PHEX: variants seen among roughly 807,000 people sequenced by gnomAD.
The protein encoded by PHEX is phosphate-regulating neutral endopeptidase PHEX.
Under a neutral mutation model 68.0 loss-of-function variants are expected in PHEX, and 16 were observed. The ratio of observed to expected loss-of-function variants is 0.24; its 90% CI spans 0.16 to 0.36. The LOEUF (loss-of-function observed/expected upper bound fraction) is 0.36, where lower values mean the gene tolerates loss of function less well. Among genes scored for constraint, PHEX ranks in the 10% least tolerant of loss-of-function variants. PHEX has a pLI of 1.00. For synonymous variants in PHEX, 208 were observed against 205.1 expected (o/e 1.01, Z -0.12); for missense variants, 480 against 575.5 (o/e 0.83, Z 1.70).
chrX:22,192,419 A>G (rs1477736870), intron 15 of PHEX, among the ~76,000 whole-genome samples: 4 of 111,564 alleles, frequency 3.6e-5, no homozygotes, highest in Non-Finnish European at 7.5e-5. Flanking sequence ...ACGTTTTACA[A>G]TCACATCGTG....
chrX:22,185,756 G>GTTTT (rs3085228), intron 14 of PHEX, among the ~76,000 whole-genome samples: 3 of 87,796 alleles, frequency 3.4e-5, no homozygotes, highest in African/African-American at 1.0e-4. Flanking sequence ...CTCGTTTGTG[G>GTTTT]TTTTTTTTTT....
At chrX:22,084,195 A>T (rs966213869) in intron 5 of PHEX, among the ~76,000 whole-genome samples, 21 of 111,627 alleles carry the variant, frequency 1.9e-4, no homozygotes, top group Non-Finnish European at 3.8e-4. Flanking sequence ...GGATCTCACT[A>T]TGCTGCCCAG....
At chrX:22,241,555 A>G (rs1345665831) in intron 20 of PHEX, among the ~76,000 whole-genome samples, 1 of 111,930 alleles carries the variant, frequency 8.9e-6, no homozygotes. Context: ...AAGAGGGAAG[A>G]ATGAAATAGA....
At chrX:22,096,679 A>G (rs1930150493) in intron 7 of PHEX, among the ~76,000 whole-genome samples, 1 of 112,212 alleles carries the variant, frequency 8.9e-6, no homozygotes, top group South Asian at 3.7e-4. Context: ...TGAGCCAGCA[A>G]TAGATTTTGC....
intron 15 of PHEX, among the ~76,000 whole-genome samples, chrX:22,193,857 G>A (rs67069562): frequency 0.021 from 2,307 of 112,281 alleles, 58 homozygotes; most frequent in African/African-American, 0.07. Context: ...TCCAAAGCTG[G>A]TGTTCCAAAG....
At chrX:22,157,033 C>A (rs1932970013) in intron 12 of PHEX, among the ~76,000 whole-genome samples, 2 of 111,316 alleles carry the variant, frequency 1.8e-5, no homozygotes, top group African/African-American at 6.5e-5. Context: ...CAGGTGCAAG[C>A]CACCACGCCC....
At chrX:22,200,107 C>G (rs933393352) in intron 15 of PHEX, among the ~76,000 whole-genome samples, 1 of 112,148 alleles carries the variant, frequency 8.9e-6, no homozygotes, top group South Asian at 3.7e-4. Flanking sequence ...TGTATGTTAT[C>G]TCTAATCTTC....
chrX:22,107,397 T>C (rs1182553582), intron 9 of PHEX, among the ~76,000 whole-genome samples: 1 of 112,269 alleles, frequency 8.9e-6, no homozygotes, highest in African/African-American at 3.2e-5. Flanking sequence ...CACCTATGGA[T>C]CCAGCATGGT....
In PHEX at chrX:22,111,488, G is replaced by A. The variant is rs1211163930; in HGVS notation, c.1101G>A (p.Val367=). The stretch of plus-strand genomic sequence containing the variant: ...ACAGGACCATTGCCAACTATTTGGT[G>A]TGGAGAATGGTTTATTCCAGAATTC... The part of the protein sequence containing the change: ...ERKKTIANYL[V]WRMVYSRIPN... Residue 367 remains valine, a synonymous_variant, in exon 10 of 22, where the codon GTG becomes GTA. Transcript: ENST00000379374. The A allele has an allele frequency of 8.3e-7, 1 of 1,206,995 alleles. No homozygotes were observed. The highest frequency in any genetic ancestry group is 1.1e-6 in the Non-Finnish European group (1 of 891,902).
At chrX:22,120,157 A>C (rs1477213044) in intron 11 of PHEX, among the ~76,000 whole-genome samples, 1 of 111,563 alleles carries the variant, frequency 9.0e-6, no homozygotes, top group African/African-American at 3.3e-5. Context: ...CAGTGTGTGA[A>C]CTCACTTATC....
intron 11 of PHEX, among the ~76,000 whole-genome samples, chrX:22,123,836 T>C (rs867829753): frequency 8.5e-5 from 9 of 105,770 alleles, no homozygotes; most frequent in African/African-American, 2.1e-4. Context: ...TCTTTTTCTT[T>C]TTTTTTTTTT....
Position 22,067,404 on chromosome X carries a change from G to A in PHEX, c.350-8984G>A, listed in dbSNP as rs139628831. 2.9e-3 allele frequency among the ~76,000 whole-genome samples: 325 copies of A among 111,462 alleles called. 3 individuals are homozygous for A. The highest frequency in any genetic ancestry group is 0.01 in the African/African-American group (316 of 30,659). On this transcript the variant is annotated intron_variant, in intron 3 of 21. Coordinates refer to ENST00000379374, the MANE Select transcript of PHEX (RefSeq NM_000444.6). ...ATGTTTAAGAAGGGAACTTTTTAAA[G>A]CTGAGGTTGGCAGAACTGAGAAACT...
intron 20 of PHEX, among the ~76,000 whole-genome samples, chrX:22,242,725 T>G (rs980260850): frequency 9.0e-6 from 1 of 111,631 alleles, no homozygotes; most frequent in Non-Finnish European, 1.9e-5. Flanking sequence ...TTACAAGGGA[T>G]GTGAAGGACC....
At chrX:22,056,351 CTT>C (rs975363327) in intron 3 of PHEX, among the ~76,000 whole-genome samples, 2 of 109,711 alleles carry the variant, frequency 1.8e-5, no homozygotes, top group Admixed American at 1.9e-4. Context: ...TTTTTTTTTT[CTT>C]TCTCTCTCTA....
chrX:22,116,904 AG>A (rs1240502089), intron 11 of PHEX, among the ~76,000 whole-genome samples: 2 of 111,273 alleles, frequency 1.8e-5, no homozygotes, highest in African/African-American at 6.5e-5. Flanking sequence ...GGATTAAACA[AG>A]TTTTATTGGG....
At chrX:22,138,712 C>G (rs966191177) in intron 12 of PHEX, among the ~76,000 whole-genome samples, 1 of 112,148 alleles carries the variant, frequency 8.9e-6, no homozygotes, top group African/African-American at 3.2e-5. Context: ...AGAAAAGAAA[C>G]AGAAGGGCTT....
intron 3 of PHEX, among the ~76,000 whole-genome samples, chrX:22,062,864 G>A (rs1038570974): frequency 5.4e-5 from 6 of 111,046 alleles, no homozygotes; most frequent in Non-Finnish European, 7.5e-5. Context: ...AGGTTCAAGC[G>A]ATTCTCGTCC....
At chrX:22,124,921 A>T (rs941317248) in intron 11 of PHEX, among the ~76,000 whole-genome samples, 2 of 111,459 alleles carry the variant, frequency 1.8e-5, no homozygotes, top group East Asian at 5.6e-4. Context: ...TGATTTATTC[A>T]CTCACTTGGC....
intron 3 of PHEX, among the ~76,000 whole-genome samples, chrX:22,060,570 A>G (rs1308321262): frequency 1.8e-5 from 2 of 112,121 alleles, no homozygotes; most frequent in Non-Finnish European, 3.8e-5. Context: ...GCAAAATGCT[A>G]TGCATGGGAA....
Sources: gnomAD v4.1 joint callset for allele counts (sites outside exome capture counted in the v4.1 genomes callset) on GRCh38, gnomAD v4.1.1 for gene constraint, MANE v1.5 for transcripts, NCBI Gene and HGNC (gene_info 2026-07-23, HGNC 2026-07-21) for gene names.